Variants in LRCH1 observed in about 807,000 individuals in gnomAD.
LRCH1 encodes leucine rich repeats and calponin homology domain containing 1.
LRCH1 carries 23 observed loss-of-function variants against 94.9 expected under a neutral mutation model. That is an observed-to-expected ratio of 0.24 (90% confidence interval 0.17 to 0.34). The LOEUF (loss-of-function observed/expected upper bound fraction) is 0.34, where lower values mean the gene tolerates loss of function less well. Among genes scored for constraint, LRCH1 ranks in the 10% least tolerant of loss-of-function variants. LRCH1 has a pLI of 1.00. For missense variants in LRCH1, 790 were observed against 945.9 expected, an observed-to-expected ratio of 0.84 and a Z score of 2.16; for synonymous variants, 364 against 354.9, an observed-to-expected ratio of 1.03 and a Z score of -0.29.
chr13:46,663,774 T>C (rs962472067), intron 2 of LRCH1, among the ~76,000 whole-genome samples: 4 of 152,236 alleles, frequency 2.6e-5, no homozygotes, highest in Non-Finnish European at 5.9e-5. Flanking sequence ...TCCTTTCCCT[T>C]GCTGAGACTC....
chr13:46,589,593 C>CTTTTTTTTTTT (rs762747151), intron 1 of LRCH1, among the ~76,000 whole-genome samples: 2 of 77,714 alleles, frequency 2.6e-5, no homozygotes, highest in Non-Finnish European at 4.7e-5. Context: ...AGTTCTCTCA[C>CTTTTTTTTTTT]TTTTTTTTTT....
chr13:46,659,972 A>G (rs2051423541), intron 2 of LRCH1, among the ~76,000 whole-genome samples: 1 of 150,640 alleles, frequency 6.6e-6, no homozygotes, highest in Non-Finnish European at 1.5e-5. Context: ...GAGTCCTTTC[A>G]TTCCACCTTG....
At chr13:46,598,296 G>T (rs2050587361) in intron 1 of LRCH1, among the ~76,000 whole-genome samples, 1 of 151,868 alleles carries the variant, frequency 6.6e-6, no homozygotes, top group Admixed American at 6.6e-5. Flanking sequence ...CCTCTTTTGA[G>T]CAGCCCTGGG....
chr13:46,646,255 G>A (rs2051219604), intron 1 of LRCH1, among the ~76,000 whole-genome samples: 1 of 152,154 alleles, frequency 6.6e-6, no homozygotes, highest in Non-Finnish European at 1.5e-5. Flanking sequence ...GAATGCTGAT[G>A]GGAGAATGAG....
chr13:46,690,883 A>T (rs1349475166), intron 7 of LRCH1, among the ~76,000 whole-genome samples: 1 of 152,224 alleles, frequency 6.6e-6, no homozygotes, highest in African/African-American at 2.4e-5. Flanking sequence ...CATTTAGATG[A>T]CATTGTGGGG....
In LRCH1 at chr13:46,598,457, G is replaced by A. The variant is rs146392137; in HGVS notation, c.307+44754G>A. Among the ~76,000 whole-genome samples the A allele has an allele frequency of 3.0e-4, 45 of 151,672 alleles. No individual in the cohort carries two copies. The East Asian group carries it at 7.4e-3, about 25-fold the overall frequency. ...ACATTTGTATGCATGATATTCTGTA[G>A]GTTCAAGAAAAAACAATTCAATTTC... On this transcript the variant is annotated intron_variant, in intron 1 of 19. Coordinates refer to ENST00000389797, the MANE Select transcript of LRCH1 (RefSeq NM_001164211.2).
chr13:46,640,441 T>A (rs750983381), intron 1 of LRCH1, among the ~76,000 whole-genome samples: 3 of 152,146 alleles, frequency 2.0e-5, no homozygotes, highest in Non-Finnish European at 4.4e-5. Context: ...GGGACCAGAG[T>A]TTGAACTCAA....
intron 1 of LRCH1, among the ~76,000 whole-genome samples, chr13:46,622,068 A>T (rs1183766830): frequency 1.3e-5 from 2 of 152,202 alleles, no homozygotes; most frequent in African/African-American, 4.8e-5. Flanking sequence ...TGTGTAAATC[A>T]GTCTTGAATA....
chr13:46,566,324 C>G (rs972600680), intron 1 of LRCH1, among the ~76,000 whole-genome samples: 2 of 151,890 alleles, frequency 1.3e-5, no homozygotes, highest in Non-Finnish European at 2.9e-5. Context: ...TTTTTTTTCC[C>G]TCACTCTTTT....
intron 1 of LRCH1, among the ~76,000 whole-genome samples, chr13:46,602,963 C>T (rs1343592203): frequency 1.3e-5 from 1 of 78,904 alleles, no homozygotes; most frequent in Non-Finnish European, 2.5e-5. Flanking sequence ...TACATACATG[C>T]ATACATACAT....
chr13:46,695,637 C>T (rs533930453), intron 9 of LRCH1, among the ~76,000 whole-genome samples: 1 of 152,296 alleles, frequency 6.6e-6, no homozygotes, highest in East Asian at 1.9e-4. Context: ...TTTCTGCCAG[C>T]CCTTTTGGTT....
chr13:46,684,581 T>C (rs988501922), intron 4 of LRCH1, among the ~76,000 whole-genome samples: 2 of 152,220 alleles, frequency 1.3e-5, no homozygotes, highest in East Asian at 3.8e-4. Flanking sequence ...GATAGGTTGA[T>C]ATTGCTAGGG....
intron 13 of LRCH1, 47 bp downstream of exon 13, chr13:46,705,351 A>G (rs200570819): frequency 1.0e-4 from 152 of 1,523,176 alleles, no homozygotes; most frequent in African/African-American, 8.2e-5. Flanking sequence ...ATATTTTGCC[A>G]TGGAATACTG....
At chr13:46,591,041 T>C (rs765799251) in intron 1 of LRCH1, among the ~76,000 whole-genome samples, 15 of 152,162 alleles carry the variant, frequency 9.9e-5, no homozygotes, top group Non-Finnish European at 2.1e-4. Flanking sequence ...CTCTCCTTCA[T>C]TTTCAAAGAG....
At position 46,607,249 on chromosome 13, in the gene LRCH1, G is replaced by A. The variant is rs2050697715; in HGVS notation, c.308-42952G>A. 2.0e-5 allele frequency among the ~76,000 whole-genome samples: 3 copies of A among 152,210 alleles called. No homozygotes were observed. The South Asian group carries it at 6.2e-4, about 32-fold the overall frequency. ...CCAAATAGCCAAATACAGATTCGGA[G>A]AAAATGCAGGACAACTTCCCAGGCT... On this transcript the variant is annotated intron_variant, in intron 1 of 19. Coordinates refer to ENST00000389797, the MANE Select transcript of LRCH1 (RefSeq NM_001164211.2).
intron 13 of LRCH1, chr13:46,705,580 G>A (rs1306757011): frequency 1.4e-5 from 8 of 576,668 alleles, no homozygotes; most frequent in East Asian, 6.4e-5. Flanking sequence ...TGAGTCAAGC[G>A]ATGGCAACTA....
In LRCH1 at chr13:46,685,949, A is replaced by G. The variant is rs371417993; in HGVS notation, c.730A>G (p.Lys244Glu). ...SLVKFDFSCN[K>E]VLVIPICFRE... ...GGTAAAGTTTGACTTTTCCTGCAAC[A>G]AAGTGCTCGTGATTCCAATTTGTTT... Residue 244 changes from lysine to glutamate, a missense_variant, in exon 5 of 20, where the codon AAA (lysine) becomes GAA (glutamate). Lys to Glu is a moderately conservative substitution (Grantham distance 56, BLOSUM62 1). Transcript: ENST00000389797. 1 of 1,609,676 alleles carries G rather than the reference A, an allele frequency of 6.2e-7. No homozygotes were observed. Among genetic ancestry groups the G allele is most frequent in the African/African-American group, 1.3e-5 (1 of 74,714 alleles).
rs1200236727 is a variant in LRCH1, at chr13:46,688,468, GAA to G, written c.950+492_950+493del. 2.6e-5 allele frequency among the ~76,000 whole-genome samples: 4 copies of G among 152,146 alleles called. No homozygotes were observed. The East Asian group carries it at 7.7e-4, about 29-fold the overall frequency. On this transcript the variant is annotated intron_variant, in intron 6 of 19. Transcript: ENST00000389797. ...TTGTCGCCACTTCCTGTTTCAAATG[GAA>G]AAGTTAGAACCCTTTCACACATCCT...
At chr13:46,666,993 T>C (rs529171511) in intron 2 of LRCH1, among the ~76,000 whole-genome samples, 3 of 152,236 alleles carry the variant, frequency 2.0e-5, no homozygotes, top group African/African-American at 7.2e-5. Flanking sequence ...TTGCCCTTAT[T>C]CTCTTGGTCC....
Sources: gnomAD v4.1 joint callset for allele counts (sites outside exome capture counted in the v4.1 genomes callset) on GRCh38, gnomAD v4.1.1 for gene constraint, MANE v1.5 for transcripts, NCBI Gene and HGNC (gene_info 2026-07-23, HGNC 2026-07-21) for gene names.